Variants in LMF1 observed in about 807,000 individuals in gnomAD.
The protein encoded by LMF1 is lipase maturation factor 1.
In LMF1, 68 loss-of-function variants were observed where a neutral mutation model predicts 60.6. The observed-to-expected ratio is 1.12, with a 90% CI of 0.92 to 1.37. The LOEUF is 1.37. Ranked by LOEUF, LMF1 falls within the 40% of genes most tolerant of loss-of-function variation. The probability of loss-of-function intolerance (pLI) is 0.00; values close to 1 mark genes in which losing one functional copy is unlikely to be tolerated. For missense variants in LMF1, 948 were observed against 767.2 expected (o/e 1.24, Z -2.78); for synonymous variants, 418 against 324.7 (o/e 1.29, Z -3.09).
intron 4 of LMF1, chr16:900,674 A>T (rs1415178652): frequency 8.1e-6 from 1 of 123,920 alleles, no homozygotes; most frequent in East Asian, 2.4e-4. Flanking sequence ...CATACCTGCT[A>T]ATTTTTATGT....
intron 3 of LMF1, among the ~76,000 whole-genome samples, chr16:913,384 C>T (rs1298688567): frequency 1.3e-5 from 2 of 152,388 alleles, no homozygotes; most frequent in Middle Eastern, 3.4e-3. Flanking sequence ...GCCCAATCAG[C>T]GGAGAAGCTG....
rs1437177928 is a variant in LMF1 at position 854,189 on chromosome 16, G to A, written c.*343C>T. On this transcript the variant is annotated 3_prime_UTR_variant, in exon 11 of 11. Transcript: ENST00000262301. ...CCTGGCTGGGTCTATGGTCAGGGCT[G>A]TAGTGGAGGAAGGTGTCAGGATGGC... 1 of 523,608 alleles carries A rather than the reference G, an allele frequency of 1.9e-6. No individual in the cohort carries two copies. The highest frequency in any genetic ancestry group is 4.9e-5 in the East Asian group (1 of 20,406). The allele number at this position is 523,608 out of a possible 1,614,324, so 32.4% of individuals were successfully genotyped here. A position where few individuals can be genotyped will look rare whatever the true frequency, so the allele number is the denominator to read the frequency against.
intron 2 of LMF1, among the ~76,000 whole-genome samples, chr16:953,187 C>G (rs1218579261): frequency 1.6e-5 from 2 of 123,824 alleles, no homozygotes; most frequent in Admixed American, 7.6e-5. Context: ...ACACCCCAAA[C>G]CAGCCTCCTA....
At chr16:974,110 A>G (rs1323708054), upstream of LMF1, among the ~76,000 whole-genome samples, 2 of 152,152 alleles carry the variant, frequency 1.3e-5, no homozygotes, top group Non-Finnish European at 2.9e-5. Context: ...GTCGGAATAC[A>G]TCATGTCATT....
upstream of LMF1, chr16:975,913 T>G (rs777417582): frequency 2.2e-6 from 1 of 452,406 alleles, no homozygotes; most frequent in Non-Finnish European, 4.4e-6. Context: ...AAGCACCATT[T>G]TCCCTCCTGG....
At chr16:860,683 C>A (rs922768093) in intron 10 of LMF1, among the ~76,000 whole-genome samples, 3 of 152,088 alleles carry the variant, frequency 2.0e-5, no homozygotes, top group African/African-American at 7.2e-5. Context: ...AGTCCAGGAT[C>A]CGTTTTGAGT....
Position 897,939 on chromosome 16 carries a change from C to T in LMF1, c.664-4867G>A, listed in dbSNP as rs542880115. Among the ~76,000 whole-genome samples, 4 of 152,376 alleles carry T rather than the reference C, an allele frequency of 2.6e-5. No homozygotes were observed. Among genetic ancestry groups the T allele is most frequent in the East Asian group, 1.9e-4 (1 of 5,178 alleles). ...AGCTCACGCAGACTTCCTTGTGGCA[C>T]AGCTGCACCAGGAGCTGTGTACATG... On this transcript the variant is annotated intron_variant, in intron 4 of 10. Transcript: ENST00000262301. The surrounding 1 kb of genome is among the most constrained non-coding windows in gnomAD (Gnocchi z 4.3).
chr16:914,668 A>ATCC (rs2071226919), intron 3 of LMF1, among the ~76,000 whole-genome samples: 1 of 103,972 alleles, frequency 9.6e-6, no homozygotes, highest in Non-Finnish European at 1.8e-5. Context: ...TTGGTGACAC[A>ATCC]CTCCCTCCCT....
intron 1 of LMF1, among the ~76,000 whole-genome samples, chr16:967,083 A>G (rs1232965474): frequency 6.6e-6 from 1 of 152,174 alleles, no homozygotes; most frequent in Non-Finnish European, 1.5e-5. Flanking sequence ...CTTGTCAGGG[A>G]ATCCAGCTCT....
chr16:891,170 C>G (rs1239455631), intron 5 of LMF1, among the ~76,000 whole-genome samples: 1 of 152,200 alleles, frequency 6.6e-6, no homozygotes, highest in African/African-American at 2.4e-5. Context: ...TGTGGGCCCC[C>G]CCGGCCCGCC....
exon 1 of LMF1, chr16:981,237 C>A (rs2073349896): frequency 4.4e-6 from 2 of 454,308 alleles, no homozygotes; most frequent in Non-Finnish European, 8.8e-6. Context: ...CAGCAGCTGA[C>A]CCCGCGCCAC....
chr16:976,197 G>C (rs1174679611), intron 1 of LMF1: 2 of 450,394 alleles, frequency 4.4e-6, no homozygotes, highest in South Asian at 3.1e-5. Context: ...GCCACGGATG[G>C]GCTGGGGGCT....
chr16:934,304 CA>C, intron 2 of LMF1, 50 bp from the exon 3 acceptor site: 2 of 1,596,528 alleles, frequency 1.3e-6, no homozygotes, highest in Non-Finnish European at 1.7e-6. Flanking sequence ...TTGTTTCAAC[CA>C]AAAACCCACT....
chr16:854,708 T>C lies in LMF1; in HGVS notation c.1530-2A>G, dbSNP rs1379010342. The C allele has an allele frequency of 1.1e-5, 18 of 1,583,804 alleles. No individual in the cohort carries two copies. Among genetic ancestry groups the C allele is most frequent in the Non-Finnish European group, 1.5e-5 (18 of 1,170,958 alleles). ...CTGTAGTGCTCTCCTCGGACCCACC[T>C]GCAAGGGGGCACATGTCAGCCCAGG... On this transcript the variant is annotated splice_acceptor_variant, in intron 10 of 10. Coordinates refer to ENST00000262301, the MANE Select transcript of LMF1 (RefSeq NM_022773.4). LOFTEE classifies it high-confidence loss of function.
intron 1 of LMF1, chr16:964,128 G>A (rs1404663192): frequency 1.5e-5 from 7 of 455,846 alleles, no homozygotes; most frequent in Admixed American, 2.4e-5. Flanking sequence ...TAAATACTTT[G>A]TTTCAGAATC....
chr16:896,971 G>C (rs1318727260), intron 4 of LMF1, among the ~76,000 whole-genome samples: 1 of 151,522 alleles, frequency 6.6e-6, no homozygotes, highest in Non-Finnish European at 1.5e-5. Context: ...AGCCTTCTTT[G>C]AGGCTTTTCA....
chr16:889,407 G>C (rs950098713), intron 5 of LMF1, among the ~76,000 whole-genome samples: 1 of 148,998 alleles, frequency 6.7e-6, no homozygotes, highest in Non-Finnish European at 1.5e-5. Flanking sequence ...TGAGGCTGTG[G>C]ATGGCCATGG....
At chr16:976,344 T>G (rs1567348453) in intron 1 of LMF1, 1 of 453,984 alleles carries the variant, frequency 2.2e-6, no homozygotes, top group Non-Finnish European at 4.4e-6. Flanking sequence ...CAGGCTGCGA[T>G]CTGTAGTCCA....
intron 3 of LMF1, among the ~76,000 whole-genome samples, chr16:917,484 C>A (rs965908658): frequency 2.4e-5 from 3 of 124,830 alleles, no homozygotes; most frequent in Admixed American, 2.4e-4. Context: ...GCGCTGCGGG[C>A]GGGCGCAGGC....
Sources: allele counts gnomAD v4.1 joint callset (sites outside exome capture counted in the v4.1 genomes callset), GRCh38; gene constraint gnomAD v4.1.1; non-coding constraint Gnocchi (gnomAD v3.1); transcripts MANE v1.5; gene names NCBI Gene and HGNC (gene_info 2026-07-23, HGNC 2026-07-21).